Variants in SLC22A16 observed in about 807,000 individuals in gnomAD.
SLC22A16 encodes solute carrier family 22 member 16.
In SLC22A16, 53 loss-of-function variants were observed where a neutral mutation model predicts 52.9. That is an observed-to-expected ratio of 1.00 (90% confidence interval 0.80 to 1.26). The LOEUF (loss-of-function observed/expected upper bound fraction) is 1.26, where lower values mean the gene tolerates loss of function less well. SLC22A16 is among the 50% of genes most tolerant of loss of function. The pLI is 0.00. For missense variants in SLC22A16, 726 were observed against 704.0 expected (o/e 1.03, Z -0.35); for synonymous variants, 291 against 268.8 (o/e 1.08, Z -0.81).
chr6:110,461,274 C>T (rs1775872191), intron 1 of SLC22A16, among the ~76,000 whole-genome samples: 2 of 152,186 alleles, frequency 1.3e-5, no homozygotes, highest in African/African-American at 4.8e-5. Context: ...CAATCGAAGC[C>T]TTCTCACAGA....
At chr6:110,438,118 T>A (rs74363057) in intron 5 of SLC22A16, among the ~76,000 whole-genome samples, 1 of 151,970 alleles carries the variant, frequency 6.6e-6, no homozygotes, top group African/African-American at 2.4e-5. Flanking sequence ...CGCCCTCTCG[T>A]TACATTTACG....
chr6:110,454,221 T>C (rs1775494815), intron 2 of SLC22A16, among the ~76,000 whole-genome samples: 1 of 152,086 alleles, frequency 6.6e-6, no homozygotes, highest in Non-Finnish European at 1.5e-5. Flanking sequence ...CTCTGAGAAA[T>C]GGCCCACATA....
chr6:110,466,202 A>G (rs1467386368), intron 1 of SLC22A16, among the ~76,000 whole-genome samples: 1 of 152,168 alleles, frequency 6.6e-6, no homozygotes, highest in African/African-American at 2.4e-5. Context: ...AAAACTTAGG[A>G]AAAACTCTTC....
In SLC22A16 at chr6:110,436,719, A is replaced by G. The variant is rs188459188; in HGVS notation, c.1312-758T>C. On this transcript the variant is annotated intron_variant, in intron 5 of 7. Transcript: ENST00000368919. ...CTGGCTTATAAATTATCTTCAGAAA[A>G]TATTTGAAAGTGGTAACTATTAGTA... Among the ~76,000 whole-genome samples, 43 of 152,312 alleles carry G rather than the reference A, an allele frequency of 2.8e-4. No homozygotes were observed. The East Asian group carries it at 7.7e-3, about 27-fold the overall frequency.
chr6:110,449,162 A>G (rs1057485201), intron 2 of SLC22A16, among the ~76,000 whole-genome samples: 3 of 151,952 alleles, frequency 2.0e-5, no homozygotes, highest in Non-Finnish European at 4.4e-5. Flanking sequence ...GGACCTGCAC[A>G]TTGCCTCTCC....
intron 1 of SLC22A16, among the ~76,000 whole-genome samples, chr6:110,460,288 G>C (rs1775820445): frequency 1.3e-5 from 2 of 152,062 alleles, no homozygotes; most frequent in African/African-American, 4.8e-5. Flanking sequence ...GATTCCAAAA[G>C]GACTTTCTTT....
intron 2 of SLC22A16, among the ~76,000 whole-genome samples, chr6:110,453,875 G>T (rs998631890): frequency 5.9e-5 from 9 of 152,280 alleles, no homozygotes; most frequent in African/African-American, 2.2e-4. Flanking sequence ...ATTACAACAT[G>T]GCAGAGAAGG....
At chr6:110,468,831 C>G (rs931435080) in intron 1 of SLC22A16, among the ~76,000 whole-genome samples, 1 of 152,114 alleles carries the variant, frequency 6.6e-6, no homozygotes, top group Non-Finnish European at 1.5e-5. Flanking sequence ...GTGGTGCTGA[C>G]CCTCACACCT....
intron 1 of SLC22A16, among the ~76,000 whole-genome samples, chr6:110,459,866 G>A (rs1345851049): frequency 6.6e-6 from 1 of 152,138 alleles, no homozygotes; most frequent in Non-Finnish European, 1.5e-5. Flanking sequence ...CATATTTTCT[G>A]AAGTAAAAAA....
intron 4 of SLC22A16, 29 bp downstream of exon 4, chr6:110,442,215 C>T: frequency 1.9e-6 from 3 of 1,590,684 alleles, no homozygotes; most frequent in Non-Finnish European, 1.7e-6. Context: ...CACTTCACTG[C>T]CAAATTTAAA....
intron 7 of SLC22A16, among the ~76,000 whole-genome samples, chr6:110,429,263 A>T (rs976113639): frequency 8.5e-4 from 130 of 152,248 alleles, no homozygotes; most frequent in African/African-American, 3.1e-3. Context: ...TGGTTTCTTA[A>T]CCTCAGAGTC....
chr6:110,448,799 G>T (rs1209919454), intron 2 of SLC22A16, among the ~76,000 whole-genome samples: 2 of 152,174 alleles, frequency 1.3e-5, no homozygotes, highest in Non-Finnish European at 2.9e-5. Context: ...AACATGACCT[G>T]CATCTGCATT....
At chr6:110,446,589 T>C (rs941088377) in intron 3 of SLC22A16, among the ~76,000 whole-genome samples, 9 of 152,176 alleles carry the variant, frequency 5.9e-5, no homozygotes, top group Admixed American at 5.2e-4. Context: ...TAGACCAATA[T>C]GATTACTCAG....
chr6:110,443,240 T>G (rs1424916434), intron 3 of SLC22A16, among the ~76,000 whole-genome samples: 1 of 152,152 alleles, frequency 6.6e-6, no homozygotes, highest in African/African-American at 2.4e-5. Flanking sequence ...AAATTAGACT[T>G]CATGAAAATT....
intron 1 of SLC22A16, among the ~76,000 whole-genome samples, chr6:110,463,771 T>C (rs1171147173): frequency 1.3e-5 from 2 of 151,972 alleles, no homozygotes; most frequent in Admixed American, 6.6e-5. Flanking sequence ...GATTTGATTA[T>C]ATAAACTTGA....
intron 1 of SLC22A16, among the ~76,000 whole-genome samples, chr6:110,470,904 G>C (rs1339619038): frequency 6.6e-6 from 1 of 152,184 alleles, no homozygotes; most frequent in Non-Finnish European, 1.5e-5. Flanking sequence ...ACTGGTACAA[G>C]GTTTGACATT....
At chr6:110,474,947 T>TAAGGAA (rs1178940655) in intron 1 of SLC22A16, 1 of 518,942 alleles carries the variant, frequency 1.9e-6, no homozygotes, top group Non-Finnish European at 3.8e-6. Flanking sequence ...TGAGTTACTG[T>TAAGGAA]AAGGATGAGA....
intron 2 of SLC22A16, among the ~76,000 whole-genome samples, chr6:110,454,042 C>A (rs1775486643): frequency 6.6e-6 from 1 of 152,168 alleles, no homozygotes; most frequent in African/African-American, 2.4e-5. Flanking sequence ...AGAACAGCAC[C>A]AATTCATTCA....
At chr6:110,431,687 A>G (rs553200922) in intron 6 of SLC22A16, among the ~76,000 whole-genome samples, 30 of 152,358 alleles carry the variant, frequency 2.0e-4, no homozygotes, top group African/African-American at 7.2e-4. Context: ...AACGGTGCCC[A>G]TCATTAAGCA....
Sources: allele counts gnomAD v4.1 joint callset (sites outside exome capture counted in the v4.1 genomes callset), GRCh38; gene constraint gnomAD v4.1.1; transcripts MANE v1.5; gene names NCBI Gene and HGNC (gene_info 2026-07-23, HGNC 2026-07-21).